The following ASIC2 variants were observed in gnomAD, a reference collection of about 807,000 sequenced individuals.
The protein encoded by ASIC2 is acid sensing ion channel subunit 2.
In ASIC2, 25 loss-of-function variants were observed where a neutral mutation model predicts 57.3. The ratio of observed to expected loss-of-function variants is 0.44; its 90% CI spans 0.32 to 0.61. The LOEUF is 0.61. Ranked by LOEUF, ASIC2 falls within the 20% of genes least tolerant of loss-of-function variation. The pLI is 0.06. For missense variants in ASIC2, 641 were observed against 738.1 expected, an observed-to-expected ratio of 0.87 and a Z score of 1.52; for synonymous variants, 319 against 307.5, an observed-to-expected ratio of 1.04 and a Z score of -0.39.
At chr17:33,941,634 G>A (rs1024433257) in intron 1 of ASIC2, among the ~76,000 whole-genome samples, 1 of 152,230 alleles carries the variant, frequency 6.6e-6, no homozygotes, top group Admixed American at 6.5e-5. Context: ...AACTGGGACA[G>A]CAGCAGTGGT....
chr17:33,548,484 A>G (rs1278392740), intron 1 of ASIC2, among the ~76,000 whole-genome samples: 1 of 152,132 alleles, frequency 6.6e-6, no homozygotes, highest in Non-Finnish European at 1.5e-5. Flanking sequence ...CTAGAAAACT[A>G]GATTGGAAGT....
chr17:33,253,181 A>G (rs2142134822), intron 1 of ASIC2, among the ~76,000 whole-genome samples: 1 of 152,212 alleles, frequency 6.6e-6, no homozygotes, highest in East Asian at 1.9e-4. Context: ...CCAAGATCAC[A>G]CAGCTCGCAG....
At chr17:33,235,228 G>A (rs111756865) in intron 1 of ASIC2, among the ~76,000 whole-genome samples, 344 of 152,240 alleles carry the variant, frequency 2.3e-3, no homozygotes, top group Non-Finnish European at 2.9e-3. Flanking sequence ...ACCAAACTAG[G>A]TCAGTGTGCA....
chr17:33,873,126 A>G (rs890377342), intron 1 of ASIC2, among the ~76,000 whole-genome samples: 2 of 152,176 alleles, frequency 1.3e-5, no homozygotes, highest in Non-Finnish European at 2.9e-5. Context: ...TTCAGAGTGT[A>G]CTATCTCTCT....
intron 1 of ASIC2, among the ~76,000 whole-genome samples, chr17:33,339,198 G>T (rs552841547): frequency 6.6e-6 from 1 of 152,290 alleles, no homozygotes; most frequent in African/African-American, 2.4e-5. Context: ...GTTGGGGAAG[G>T]TTGGCTTCAC....
chr17:33,585,245 C>T (rs918757412), intron 1 of ASIC2, among the ~76,000 whole-genome samples: 7 of 152,072 alleles, frequency 4.6e-5, no homozygotes, highest in Admixed American at 2.6e-4. Context: ...AGGCAGGCCA[C>T]GTGGCTCATG....
intron 1 of ASIC2, among the ~76,000 whole-genome samples, chr17:34,034,441 A>T (rs1269697767): frequency 6.6e-6 from 1 of 152,256 alleles, no homozygotes; most frequent in Non-Finnish European, 1.5e-5. Context: ...ATTCCCTTTG[A>T]AAACAGGCAC....
intron 1 of ASIC2, among the ~76,000 whole-genome samples, chr17:33,644,253 G>T (rs1328236784): frequency 1.3e-5 from 2 of 152,158 alleles, no homozygotes; most frequent in African/African-American, 4.8e-5. Context: ...GCTCACCATG[G>T]TGATGCGTTT....
chr17:33,154,475 G>A (rs924322105), intron 1 of ASIC2, among the ~76,000 whole-genome samples: 3 of 152,178 alleles, frequency 2.0e-5, no homozygotes, highest in Non-Finnish European at 4.4e-5. Context: ...GGGGAGATGG[G>A]TATTATGGTT....
chr17:33,150,029 A>C (rs542787398), intron 1 of ASIC2, among the ~76,000 whole-genome samples: 2 of 152,332 alleles, frequency 1.3e-5, no homozygotes, highest in South Asian at 4.1e-4. Context: ...TCAGATGCTC[A>C]TTAATTCTGA....
intron 1 of ASIC2, among the ~76,000 whole-genome samples, chr17:33,459,294 G>A (rs1912557484): frequency 6.6e-6 from 1 of 152,104 alleles, no homozygotes; most frequent in Non-Finnish European, 1.5e-5. Flanking sequence ...GTCAGGCTGT[G>A]TGGTTGCCGA....
intron 1 of ASIC2, among the ~76,000 whole-genome samples, chr17:33,744,691 A>G (rs1258909623): frequency 6.6e-6 from 1 of 152,236 alleles, no homozygotes; most frequent in Non-Finnish European, 1.5e-5. Flanking sequence ...TATACAAGAA[A>G]AAAAGCAGGC....
intron 1 of ASIC2, among the ~76,000 whole-genome samples, chr17:33,134,500 G>T (rs776529182): frequency 1.3e-5 from 2 of 152,318 alleles, no homozygotes; most frequent in East Asian, 1.9e-4. Context: ...ATACTAAAAA[G>T]GAGTTATTTA....
chr17:33,446,487 C>T (rs994184163), intron 1 of ASIC2, among the ~76,000 whole-genome samples: 9 of 152,212 alleles, frequency 5.9e-5, no homozygotes, highest in South Asian at 2.1e-4. Context: ...GAATGTTCAA[C>T]GTGGATTATC....
At chr17:33,906,801 G>T (rs1170613623) in intron 1 of ASIC2, among the ~76,000 whole-genome samples, 1 of 152,154 alleles carries the variant, frequency 6.6e-6, no homozygotes, top group Non-Finnish European at 1.5e-5. Flanking sequence ...AAGACCTACT[G>T]GGATCTTAAC....
chr17:33,983,627 G>A (rs528537958), intron 1 of ASIC2, among the ~76,000 whole-genome samples: 4 of 152,332 alleles, frequency 2.6e-5, no homozygotes, highest in East Asian at 3.9e-4. Context: ...AGGCAACAGA[G>A]GAGGAAGTTA....
intron 1 of ASIC2, among the ~76,000 whole-genome samples, chr17:34,141,319 G>T (rs182853969): frequency 4.6e-5 from 7 of 152,246 alleles, no homozygotes; most frequent in Admixed American, 4.6e-4. Flanking sequence ...TGAACTTCTG[G>T]GTGAGGGATA....
At chr17:33,893,275 C>T (rs1391551594) in intron 1 of ASIC2, among the ~76,000 whole-genome samples, 1 of 152,112 alleles carries the variant, frequency 6.6e-6, no homozygotes, top group Non-Finnish European at 1.5e-5. Context: ...AACTGTGCTG[C>T]CACATGGTGC....
chr17:33,775,598 G>T (rs1911245456), intron 1 of ASIC2, among the ~76,000 whole-genome samples: 1 of 152,174 alleles, frequency 6.6e-6, no homozygotes, highest in African/African-American at 2.4e-5. Flanking sequence ...GCATCTGTGT[G>T]TGGTGAGTGA....
Sources: allele counts gnomAD v4.1 joint callset (sites outside exome capture counted in the v4.1 genomes callset), GRCh38; gene constraint gnomAD v4.1.1; transcripts MANE v1.5; gene names NCBI Gene and HGNC (gene_info 2026-07-23, HGNC 2026-07-21).